The following LPP variants were observed in gnomAD, a reference collection of about 807,000 sequenced individuals.
LPP encodes the protein LIM domain containing preferred translocation partner in lipoma, also known as lipoma-preferred partner.
LPP carries 38 observed loss-of-function variants against 60.4 expected under a neutral mutation model. The observed-to-expected ratio is 0.63, with a 90% CI of 0.49 to 0.83. LPP has a LOEUF of 0.83. Among genes scored for constraint, LPP ranks in the 40% least tolerant of loss-of-function variants. The pLI is 0.00. For missense variants in LPP, 902 were observed against 783.6 expected (o/e 1.15, Z -1.80); for synonymous variants, 328 against 290.8 (o/e 1.13, Z -1.30).
At chr3:188,619,572 G>T (rs115333410) in intron 7 of LPP, among the ~76,000 whole-genome samples, 2,158 of 152,232 alleles carry the variant, frequency 0.014, 20 homozygotes, top group South Asian at 0.038. Context: ...AGCCATACTC[G>T]CTTCATTCCA....
chr3:188,291,085 A>G (rs1745769878), intron 2 of LPP, among the ~76,000 whole-genome samples: 1 of 152,226 alleles, frequency 6.6e-6, no homozygotes, highest in African/African-American at 2.4e-5. Flanking sequence ...AAGAGTAAGA[A>G]TACACTGAAT....
At chr3:188,727,479 G>A (rs1718852908) in intron 8 of LPP, among the ~76,000 whole-genome samples, 1 of 151,952 alleles carries the variant, frequency 6.6e-6, no homozygotes, top group Admixed American at 6.6e-5. Context: ...CTTTTCTTGG[G>A]TCACTGAATA....
intron 7 of LPP, among the ~76,000 whole-genome samples, chr3:188,627,801 A>G (rs1580508187): frequency 6.6e-6 from 1 of 152,116 alleles, no homozygotes; most frequent in Admixed American, 6.6e-5. Flanking sequence ...CCCAACAACA[A>G]CAGAATAAAC....
Position 188,775,053 on chromosome 3 carries a change from G to GTTT in LPP, c.1410+14772_1410+14773insTTT, listed in dbSNP as rs764136747. Reference sequence around the variant, plus strand: ...TAGTTATATAGAAACTACATGCTTAGTGTTTTTTTTTTTTTTTTAGACAGA... The same window carrying GTTT: ...TAGTTATATAGAAACTACATGCTTAGTTTTGTTTTTTTTTTTTTTTTAGACAGA... On this transcript the variant is annotated intron_variant, in intron 9 of 11. Transcript: ENST00000617246. Among the ~76,000 whole-genome samples, 103 of 127,728 alleles carry GTTT rather than the reference G, an allele frequency of 8.1e-4. 2 individuals carry two copies. The highest frequency in any genetic ancestry group is 7.8e-4 in the Non-Finnish European group (44 of 56,636). 83.8% of individuals were successfully genotyped at this position (127,728 alleles called of 152,430 possible).
chr3:188,331,229 T>C (rs1436318412), intron 2 of LPP, among the ~76,000 whole-genome samples: 1 of 152,164 alleles, frequency 6.6e-6, no homozygotes, highest in East Asian at 1.9e-4. Context: ...TTCACATTTT[T>C]ATCTGGAGAT....
At chr3:188,398,904 G>A (rs1298468738) in intron 3 of LPP, among the ~76,000 whole-genome samples, 1 of 152,198 alleles carries the variant, frequency 6.6e-6, no homozygotes, top group African/African-American at 2.4e-5. Context: ...AGGGAAACGG[G>A]TGACAGAAAA....
chr3:188,389,226 C>T (rs1280937199), intron 3 of LPP, among the ~76,000 whole-genome samples: 1 of 152,048 alleles, frequency 6.6e-6, no homozygotes, highest in African/African-American at 2.4e-5. Flanking sequence ...TCACTTATTT[C>T]ACCTCTCTGT....
At chr3:188,761,054 G>T (rs893300183) in intron 9 of LPP, among the ~76,000 whole-genome samples, 2 of 152,062 alleles carry the variant, frequency 1.3e-5, no homozygotes, top group African/African-American at 2.4e-5. Context: ...TTCATCTATT[G>T]TAAATTTCTT....
At chr3:188,715,965 T>A (rs946984610) in intron 8 of LPP, among the ~76,000 whole-genome samples, 4 of 152,372 alleles carry the variant, frequency 2.6e-5, no homozygotes, top group Middle Eastern at 3.4e-3. Flanking sequence ...TGTAATTATC[T>A]TGACATTGTT....
At chr3:188,400,907 A>G (rs1424605140) in intron 3 of LPP, among the ~76,000 whole-genome samples, 1 of 152,222 alleles carries the variant, frequency 6.6e-6, no homozygotes, top group Non-Finnish European at 1.5e-5. Context: ...AAGAGCCCCA[A>G]TGATATGTGC....
chr3:188,566,637 C>T (rs946341971), intron 6 of LPP, among the ~76,000 whole-genome samples: 1 of 151,836 alleles, frequency 6.6e-6, no homozygotes, highest in African/African-American at 2.4e-5. Context: ...TGTTCTCTCA[C>T]TATGTAAATT....
chr3:188,261,052 C>T (rs765159704), intron 2 of LPP, among the ~76,000 whole-genome samples: 1 of 151,960 alleles, frequency 6.6e-6, no homozygotes, highest in African/African-American at 2.4e-5. Context: ...CAGCCTGGGC[C>T]ACAGAGCGAG....
chr3:188,249,076 G>C (rs1052746358), intron 2 of LPP, among the ~76,000 whole-genome samples: 3 of 152,032 alleles, frequency 2.0e-5, no homozygotes, highest in African/African-American at 7.2e-5. Context: ...AAATTTTATG[G>C]AATTGCTTTC....
intron 2 of LPP, among the ~76,000 whole-genome samples, chr3:188,240,496 G>C (rs139988907): frequency 6.6e-6 from 1 of 152,148 alleles, no homozygotes; most frequent in Non-Finnish European, 1.5e-5. Flanking sequence ...AGTCTTATAC[G>C]TACTGAATTT....
intron 4 of LPP, among the ~76,000 whole-genome samples, chr3:188,468,576 G>C (rs1266054673): frequency 1.3e-5 from 2 of 152,100 alleles, no homozygotes; most frequent in Admixed American, 6.6e-5. Context: ...TTAAGCCAAG[G>C]AAGTGCCAGT....
intron 3 of LPP, among the ~76,000 whole-genome samples, chr3:188,400,149 A>G (rs1781903949): frequency 6.6e-6 from 1 of 152,180 alleles, no homozygotes; most frequent in Admixed American, 6.5e-5. Context: ...TAGAGAAAAC[A>G]TTATGGCAAG....
At chr3:188,815,769 T>C (rs1030687442) in intron 9 of LPP, among the ~76,000 whole-genome samples, 4 of 152,244 alleles carry the variant, frequency 2.6e-5, no homozygotes, top group African/African-American at 7.2e-5. Flanking sequence ...TCCTTTAATC[T>C]GACCATAATG....
At chr3:188,566,404 T>C (rs777132477) in intron 6 of LPP, among the ~76,000 whole-genome samples, 1 of 151,956 alleles carries the variant, frequency 6.6e-6, no homozygotes, top group Non-Finnish European at 1.5e-5. Flanking sequence ...TTCTGTATCA[T>C]ATTTCATGTT....
chr3:188,436,970 G>A (rs904494249), intron 4 of LPP, among the ~76,000 whole-genome samples: 11 of 152,080 alleles, frequency 7.2e-5, no homozygotes. Context: ...GTGCAGTAGG[G>A]ATGATCCAGG....
Sources: gnomAD v4.1 joint callset for allele counts (sites outside exome capture counted in the v4.1 genomes callset) on GRCh38, gnomAD v4.1.1 for gene constraint, MANE v1.5 for transcripts, NCBI Gene and HGNC (gene_info 2026-07-23, HGNC 2026-07-21) for gene names.